CMTM8: variants seen among roughly 807,000 people sequenced by gnomAD.
CMTM8 encodes the protein CKLF-like MARVEL transmembrane domain-containing protein 8.
In CMTM8, 12 loss-of-function variants were observed where a neutral mutation model predicts 18.6. The ratio of observed to expected loss-of-function variants is 0.65; its 90% CI spans 0.41 to 1.05. The LOEUF (loss-of-function observed/expected upper bound fraction) is 1.05, where lower values mean the gene tolerates loss of function less well. Ranked by LOEUF, CMTM8 falls within the 50% of genes least tolerant of loss-of-function variation. The pLI is 0.00. For missense variants in CMTM8, 217 were observed against 227.2 expected (o/e 0.95, Z 0.29); for synonymous variants, 87 against 90.6 (o/e 0.96, Z 0.23).
chr3:32,274,426 C>G (rs1357426095), intron 1 of CMTM8, among the ~76,000 whole-genome samples: 1 of 152,104 alleles, frequency 6.6e-6, no homozygotes, highest in African/African-American at 2.4e-5. Context: ...GTTCAAGGCG[C>G]TAAGAAAAGT....
chr3:32,320,366 A>G (rs1696020313), intron 1 of CMTM8, among the ~76,000 whole-genome samples: 1 of 152,216 alleles, frequency 6.6e-6, no homozygotes, highest in African/African-American at 2.4e-5. Flanking sequence ...GTATGAAAGA[A>G]GCCAGACACA....
chr3:32,365,364 G>A (rs1033275572), intron 2 of CMTM8, among the ~76,000 whole-genome samples: 2 of 151,832 alleles, frequency 1.3e-5, no homozygotes. Flanking sequence ...TTTCAGAAAA[G>A]AGTAGACTTC....
chr3:32,334,829 G>A (rs531937377), intron 1 of CMTM8, among the ~76,000 whole-genome samples: 1 of 152,314 alleles, frequency 6.6e-6, no homozygotes, highest in African/African-American at 2.4e-5. Flanking sequence ...GCAGGAAGAT[G>A]TGTTGTTGCT....
intron 1 of CMTM8, among the ~76,000 whole-genome samples, chr3:32,242,650 T>G (rs1191717550): frequency 6.6e-6 from 1 of 152,138 alleles, no homozygotes; most frequent in East Asian, 1.9e-4. Context: ...ATTTCAATTA[T>G]TTATCTCCCT....
At chr3:32,286,964 G>A (rs1049925353) in intron 1 of CMTM8, among the ~76,000 whole-genome samples, 19 of 152,328 alleles carry the variant, frequency 1.2e-4, no homozygotes, top group South Asian at 8.3e-4. Context: ...ATAGCCTCTC[G>A]GCTCTGAGCG....
Position 32,238,972 on chromosome 3 carries a change from G to T in CMTM8, c.-1G>T, listed in dbSNP as rs1227260221. 2 of 1,547,638 alleles carry T rather than the reference G, an allele frequency of 1.3e-6. No individual in the cohort carries two copies. The highest frequency in any genetic ancestry group is 8.7e-7 in the Non-Finnish European group (1 of 1,145,946). On this transcript the variant is annotated 5_prime_UTR_variant, in exon 1 of 4. Transcript: ENST00000307526. ...CGCGCCAGCCCGGCAGTGGCTCGACGATGGAGGAGCCGCAGCGCGCCCGCT... is the reference window on the plus strand; with the variant it reads ...CGCGCCAGCCCGGCAGTGGCTCGACTATGGAGGAGCCGCAGCGCGCCCGCT...
chr3:32,342,205 A>G (rs1463641426), intron 1 of CMTM8, among the ~76,000 whole-genome samples: 1 of 152,170 alleles, frequency 6.6e-6, no homozygotes, highest in Admixed American at 6.5e-5. Flanking sequence ...CCAAGATCGC[A>G]CCACTGCAGT....
intron 1 of CMTM8, chr3:32,259,342 C>G (rs1282249007): frequency 2.7e-6 from 2 of 736,394 alleles, no homozygotes; most frequent in Non-Finnish European, 5.0e-6. Flanking sequence ...CCATCAAAGA[C>G]CTGAGGGCTC....
chr3:32,239,860 G>A (rs1028597887), intron 1 of CMTM8, among the ~76,000 whole-genome samples: 9 of 152,184 alleles, frequency 5.9e-5, no homozygotes, highest in Admixed American at 5.9e-4. Flanking sequence ...CCAGGATCTT[G>A]TCAAGCCCTT....
chr3:32,285,544 C>CT (rs1351623740), intron 1 of CMTM8, among the ~76,000 whole-genome samples: 3 of 151,282 alleles, frequency 2.0e-5, no homozygotes, highest in Non-Finnish European at 4.4e-5. Flanking sequence ...AATAATAATA[C>CT]TAGTAGTACA....
At chr3:32,369,081 G>A (rs36051626) in intron 3 of CMTM8, among the ~76,000 whole-genome samples, 2,335 of 152,246 alleles carry the variant, frequency 0.015, 25 homozygotes, top group Non-Finnish European at 0.025. Context: ...GGCCTAGGTG[G>A]GTGGATCACC....
chr3:32,239,453 G>A (rs1701916365), intron 1 of CMTM8, among the ~76,000 whole-genome samples: 1 of 151,966 alleles, frequency 6.6e-6, no homozygotes, highest in South Asian at 2.1e-4. Flanking sequence ...GACACCTGGT[G>A]CCTTTCTCAC....
intron 1 of CMTM8, among the ~76,000 whole-genome samples, chr3:32,295,342 G>A: frequency 6.6e-6 from 1 of 151,176 alleles, no homozygotes; most frequent in East Asian, 2.0e-4. Flanking sequence ...TGTAGTCTCA[G>A]CTACTCGGGA....
chr3:32,345,612 C>A (rs1052863792), intron 1 of CMTM8, among the ~76,000 whole-genome samples: 17 of 152,144 alleles, frequency 1.1e-4, no homozygotes, highest in South Asian at 6.2e-4. Context: ...AACCTTAGGT[C>A]ATTAAAAAAG....
At chr3:32,255,458 T>C (rs1175494238) in intron 1 of CMTM8, among the ~76,000 whole-genome samples, 1 of 152,234 alleles carries the variant, frequency 6.6e-6, no homozygotes, top group Non-Finnish European at 1.5e-5. Context: ...CCCATATTAC[T>C]GAACAACTAT....
intron 1 of CMTM8, among the ~76,000 whole-genome samples, chr3:32,347,594 A>G (rs1173702970): frequency 6.6e-6 from 1 of 151,886 alleles, no homozygotes; most frequent in South Asian, 2.1e-4. Context: ...TTTGTCTCAC[A>G]TTTTTTCCAA....
At chr3:32,250,938 T>C (rs1033711001) in intron 1 of CMTM8, among the ~76,000 whole-genome samples, 1 of 152,198 alleles carries the variant, frequency 6.6e-6, no homozygotes. Flanking sequence ...ATAACTTTGT[T>C]GACCTAATTT....
chr3:32,361,860 T>TA (rs1027628071), intron 2 of CMTM8, among the ~76,000 whole-genome samples: 1 of 152,092 alleles, frequency 6.6e-6, no homozygotes, highest in African/African-American at 2.4e-5. Flanking sequence ...TGATTTAAGC[T>TA]AAAAGTTCAA....
At chr3:32,239,660 A>G (rs1382253882) in intron 1 of CMTM8, among the ~76,000 whole-genome samples, 1 of 152,190 alleles carries the variant, frequency 6.6e-6, no homozygotes, top group Non-Finnish European at 1.5e-5. Context: ...TGCTGTGCAC[A>G]TCCTGGTTTA....
Sources: gnomAD v4.1 joint callset for allele counts (sites outside exome capture counted in the v4.1 genomes callset) on GRCh38, gnomAD v4.1.1 for gene constraint, MANE v1.5 for transcripts, NCBI Gene and HGNC (gene_info 2026-07-23, HGNC 2026-07-21) for gene names.